The following SNPH variants were observed in gnomAD, a reference collection of about 807,000 sequenced individuals.
SNPH encodes the protein syntaphilin.
Under a neutral mutation model 36.8 loss-of-function variants are expected in SNPH, and 10 were observed. That is an observed-to-expected ratio of 0.27 (90% CI 0.17 to 0.46). The LOEUF (loss-of-function observed/expected upper bound fraction) is 0.46. Ranked by LOEUF, SNPH falls within the 20% of genes least tolerant of loss-of-function variation. SNPH has a pLI of 1.00. For missense variants in SNPH, 622 were observed against 744.0 expected, an observed-to-expected ratio of 0.84 and a Z score of 1.91; for synonymous variants, 281 against 312.2, an observed-to-expected ratio of 0.90 and a Z score of 1.05.
chr20:1,277,527 G>T (rs956872636), intron 2 of SNPH, among the ~76,000 whole-genome samples: 1 of 141,912 alleles, frequency 7.0e-6, no homozygotes, highest in African/African-American at 2.7e-5. Flanking sequence ...CTGTGTGTCT[G>T]TCTGTGCATG....
At chr20:1,283,898 A>G (rs1053855810) in intron 2 of SNPH, among the ~76,000 whole-genome samples, 2 of 152,220 alleles carry the variant, frequency 1.3e-5, no homozygotes, top group African/African-American at 4.8e-5. Context: ...CCCAATACTT[A>G]GCCTTCAAAG....
At position 1,297,167 on chromosome 20, in the gene SNPH, G is replaced by C. The variant is rs771345502; in HGVS notation, c.205G>C (p.Val69Leu). ...CAGGCGCACCTCTCCACCTGTGAGCGTGCGGGATGCCTACGGCACCTCTTC... is the reference window on the plus strand; with the variant it reads ...CAGGCGCACCTCTCCACCTGTGAGCCTGCGGGATGCCTACGGCACCTCTTC... Reference protein sequence around the residue: ...SRRRTSPPVSVRDAYGTSSLS... With the variant: ...SRRRTSPPVSLRDAYGTSSLS... The change falls in exon 5 of 7, where the codon GTG becomes CTG. Residue 69 changes from valine (V) to leucine (L), a missense_variant. Coordinates refer to ENST00000381867, the MANE Select transcript of SNPH (RefSeq NM_001318234.2). The C allele has an allele frequency of 1.3e-5, 21 of 1,613,564 alleles. No individual in the cohort carries two copies. The highest frequency in any genetic ancestry group is 1.7e-5 in the Non-Finnish European group (20 of 1,179,840).
At chr20:1,302,818 G>C (rs892845227) in intron 6 of SNPH, among the ~76,000 whole-genome samples, 2 of 152,352 alleles carry the variant, frequency 1.3e-5, no homozygotes, top group African/African-American at 4.8e-5. Flanking sequence ...AGGCGGTTAC[G>C]GGTAGCATTC....
intron 2 of SNPH, among the ~76,000 whole-genome samples, chr20:1,289,807 G>A (rs1195585374): frequency 2.6e-5 from 4 of 151,946 alleles, no homozygotes; most frequent in Non-Finnish European, 5.9e-5. Flanking sequence ...CCAAGCCTAG[G>A]TGACAGAGTA....
intron 5 of SNPH, among the ~76,000 whole-genome samples, chr20:1,299,302 T>C (rs903487709): frequency 6.6e-6 from 1 of 152,138 alleles, no homozygotes; most frequent in Admixed American, 6.5e-5. Flanking sequence ...TAAAGGGACA[T>C]TGCCCCTCCC....
Position 1,304,208 on chromosome 20 carries a change from A to C in SNPH, c.441-670A>C, listed in dbSNP as rs2088538367. On this transcript the variant is annotated intron_variant, in intron 6 of 6. Transcript: ENST00000381867. This position sits in a 1 kb window ranked among gnomAD's most constrained non-coding sequence, Gnocchi z 4.3. The stretch of plus-strand genomic sequence containing the variant: ...AAGATACAAGATACAAGGAGATACA[A>C]AGATACAAAGAAGCTTCTAGCATGG... Among the ~76,000 whole-genome samples the C allele has an allele frequency of 6.6e-6, 1 of 152,154 alleles. No individual in the cohort carries two copies. Among genetic ancestry groups the C allele is most frequent in the African/African-American group, 2.4e-5 (1 of 41,434 alleles).
chr20:1,283,546 T>C lies in SNPH; in HGVS notation c.-492-11405T>C, dbSNP rs187543975. On this transcript the variant is annotated intron_variant, in intron 2 of 6. Transcript: ENST00000381867. ...ATGCAGGCACAGAGCTGAAAGATCTTTTAATTTGTTTGAGACAAGCCAGAA... is the reference window on the plus strand; with the variant it reads ...ATGCAGGCACAGAGCTGAAAGATCTCTTAATTTGTTTGAGACAAGCCAGAA... Among the ~76,000 whole-genome samples, 259 of 152,342 alleles carry C rather than the reference T, an allele frequency of 1.7e-3. 1 individual carries two copies. The highest frequency in any genetic ancestry group is 6.8e-3 in the Middle Eastern group (2 of 294).
chr20:1,289,844 A>G (rs2088335270), intron 2 of SNPH, among the ~76,000 whole-genome samples: 1 of 152,010 alleles, frequency 6.6e-6, no homozygotes, highest in Non-Finnish European at 1.5e-5. Flanking sequence ...AAAAAATTAA[A>G]TATATATCAC....
chr20:1,294,520 G>A lies in SNPH; in HGVS notation c.-492-431G>A, dbSNP rs2088403684. 6.6e-6 allele frequency among the ~76,000 whole-genome samples: 1 copy of A among 152,206 alleles called. No homozygotes were observed. The highest frequency in any genetic ancestry group is 2.1e-4 in the South Asian group (1 of 4,826). On this transcript the variant is annotated intron_variant, in intron 2 of 6. Coordinates refer to ENST00000381867, the MANE Select transcript of SNPH (RefSeq NM_001318234.2). This position sits in a 1 kb window ranked among gnomAD's most constrained non-coding sequence, Gnocchi z 4.4. ...CCTGCCTGGGTGACTGGGGCATAAT[G>A]AGTGGGAAGCATTGCCAAGCTGGGG... is the stretch of plus-strand genomic sequence containing the variant.
chr20:1,301,384 T>G (rs1364905777), intron 6 of SNPH, among the ~76,000 whole-genome samples: 3 of 152,214 alleles, frequency 2.0e-5, no homozygotes, highest in Non-Finnish European at 4.4e-5. Context: ...TCCCATTGTC[T>G]TAACTATCCT....
Position 1,266,310 on chromosome 20 carries a change from A to C in SNPH, c.-687A>C. On this transcript the variant is annotated 5_prime_UTR_variant, in exon 1 of 7. Transcript: ENST00000381867. The surrounding 1 kb of genome is among the most constrained non-coding windows in gnomAD (Gnocchi z 6.0). ...CCTCCCGGCAGCCCCAGCCCCGGCG[A>C]GCACCCAGCTAGCCGCCTCCTGCAG... 2.3e-5 allele frequency: 4 copies of C among 173,894 alleles called. No individual in the cohort carries two copies. Among genetic ancestry groups the C allele is most frequent in the Non-Finnish European group, 3.6e-5 (3 of 83,682 alleles). The allele number at this position is 173,894 out of a possible 1,614,324, so 10.8% of individuals were successfully genotyped here. A position where few individuals can be genotyped will look rare whatever the true frequency, so the allele number is the denominator to read the frequency against.
chr20:1,274,691 G>A (rs1231775179), intron 2 of SNPH, among the ~76,000 whole-genome samples: 3 of 152,220 alleles, frequency 2.0e-5, no homozygotes, highest in Admixed American at 6.5e-5. Context: ...GAAGAGGACT[G>A]TGTAAGGACT....
chr20:1,299,250 T>G (rs1224634389), intron 5 of SNPH, among the ~76,000 whole-genome samples: 2 of 152,176 alleles, frequency 1.3e-5, no homozygotes, highest in African/African-American at 4.8e-5. Context: ...CTCGGCTGCT[T>G]CAGCAAATGG....
In SNPH at chr20:1,305,780, T is replaced by C; in HGVS notation, c.1343T>C (p.Met448Thr). 6.2e-7 allele frequency: 1 copy of C among 1,608,126 alleles called. No individual in the cohort carries two copies. Among genetic ancestry groups the C allele is most frequent in the Non-Finnish European group, 8.5e-7 (1 of 1,177,894 alleles). ...PGQSVSVVCPMEEEEEAAVAE... is the reference protein window; with the variant it reads ...PGQSVSVVCPTEEEEEAAVAE... The stretch of plus-strand genomic sequence containing the variant: ...CAGTCGGTGAGCGTGGTGTGCCCCA[T>C]GGAAGAGGAGGAGGAGGCTGCCGTG... Residue 448 changes from methionine to threonine, a missense_variant, in exon 7 of 7, where the codon ATG (methionine) becomes ACG (threonine). Met to Thr is a moderately conservative substitution (Grantham distance 81). Coordinates refer to ENST00000381867, the MANE Select transcript of SNPH (RefSeq NM_001318234.2).
At chr20:1,290,904 A>G (rs1209342091) in intron 2 of SNPH, among the ~76,000 whole-genome samples, 2 of 152,222 alleles carry the variant, frequency 1.3e-5, no homozygotes, top group African/African-American at 4.8e-5. Context: ...ATGTGAAACA[A>G]TATCTCATTG....
chr20:1,291,622 G>A (rs1046352511), intron 2 of SNPH, among the ~76,000 whole-genome samples: 1 of 142,400 alleles, frequency 7.0e-6, no homozygotes, highest in Non-Finnish European at 1.5e-5. Flanking sequence ...GTGTTACCTT[G>A]GCAAAGAGAG....
rs2088606769 is a variant in SNPH at position 1,308,235 on chromosome 20, G to C, written c.*2181G>C. On this transcript the variant is annotated 3_prime_UTR_variant, in exon 7 of 7. Transcript: ENST00000381867. Reference sequence around the variant, plus strand: ...CTGTGGAGGACTGGGCTGTGGTTGGGCCTGAGGCCTGTGGAGGAGGTGAGT... The same window carrying C: ...CTGTGGAGGACTGGGCTGTGGTTGGCCCTGAGGCCTGTGGAGGAGGTGAGT... 1 of 153,490 alleles carries C rather than the reference G, an allele frequency of 6.5e-6. No individual in the cohort carries two copies. The highest frequency in any genetic ancestry group is 1.4e-5 in the Non-Finnish European group (1 of 69,110). 9.5% of individuals were successfully genotyped at this position (153,490 alleles called of 1,614,324 possible).
rs1056958393 is a variant in SNPH at position 1,294,896 on chromosome 20, C to T, written c.-492-55C>T. ...TGACTTGGCCAAGTCCCTTCCCTCT[C>T]GGTGGCTCGATTCCTCATCTGTAAA... is the stretch of plus-strand genomic sequence containing the variant. On this transcript the variant is annotated intron_variant, in intron 2 of 6. Transcript: ENST00000381867. The surrounding 1 kb of genome is among the most constrained non-coding windows in gnomAD (Gnocchi z 4.4). 2.2e-4 allele frequency: 33 copies of T among 152,704 alleles called. No individual in the cohort carries two copies. The highest frequency in any genetic ancestry group is 7.9e-4 in the African/African-American group (33 of 41,528). The allele number at this position is 152,704 out of a possible 1,614,324, so 9.5% of individuals were successfully genotyped here.
chr20:1,266,675 G>A lies in SNPH; in HGVS notation c.-578G>A, dbSNP rs1223878555. 2.7e-6 allele frequency: 4 copies of A among 1,482,436 alleles called. No homozygotes were observed. The highest frequency in any genetic ancestry group is 3.6e-6 in the Non-Finnish European group (4 of 1,119,102). 91.8% of individuals were successfully genotyped at this position (1,482,436 alleles called of 1,614,324 possible). On this transcript the variant is annotated 5_prime_UTR_variant, in exon 2 of 7. Transcript: ENST00000381867. This position sits in a 1 kb window ranked among gnomAD's most constrained non-coding sequence, Gnocchi z 6.0. ...GCAGGTCGCTGATCAGGGCCAGGCG[G>A]CTGCAGCAGCGACTGCAGAGGCGCT...
Sources: gnomAD v4.1 joint callset for allele counts (sites outside exome capture counted in the v4.1 genomes callset) on GRCh38, gnomAD v4.1.1 for gene constraint, Gnocchi (gnomAD v3.1) non-coding constraint, MANE v1.5 for transcripts, NCBI Gene and HGNC (gene_info 2026-07-23, HGNC 2026-07-21) for gene names.